Variants in COL24A1 observed in about 807,000 individuals in gnomAD.
COL24A1 encodes the protein collagen alpha-1(XXIV) chain.
Under a neutral mutation model 253.9 loss-of-function variants are expected in COL24A1, and 224 were observed. The ratio of observed to expected loss-of-function variants is 0.88; its 90% CI spans 0.79 to 0.99. The LOEUF is 0.99. Ranked by LOEUF, COL24A1 falls within the 50% of genes least tolerant of loss-of-function variation. COL24A1 has a pLI of 0.00. For synonymous variants in COL24A1, 685 were observed against 673.7 expected, an observed-to-expected ratio of 1.02 and a Z score of -0.26; for missense variants, 2,131 against 2,068.5, an observed-to-expected ratio of 1.03 and a Z score of -0.59.
chr1:85,923,575 G>A (rs768036682), intron 24 of COL24A1, among the ~76,000 whole-genome samples: 6 of 152,128 alleles, frequency 3.9e-5, no homozygotes, highest in Non-Finnish European at 8.8e-5. Context: ...TGACTACTGG[G>A]CAAACAACAA....
intron 24 of COL24A1, among the ~76,000 whole-genome samples, chr1:85,933,791 C>T (rs1398558860): frequency 6.6e-6 from 1 of 152,150 alleles, no homozygotes; most frequent in Non-Finnish European, 1.5e-5. Context: ...TACTATAGCT[C>T]TTTAAAATAG....
At chr1:86,085,206 T>C (rs1389978019) in intron 7 of COL24A1, among the ~76,000 whole-genome samples, 1 of 152,204 alleles carries the variant, frequency 6.6e-6, no homozygotes, top group Admixed American at 6.5e-5. Flanking sequence ...CACAGTGCAT[T>C]CCACTTGATG....
intron 3 of COL24A1, among the ~76,000 whole-genome samples, chr1:86,122,463 C>A (rs1375804400): frequency 6.6e-6 from 1 of 151,904 alleles, no homozygotes; most frequent in Non-Finnish European, 1.5e-5. Context: ...AGAAATACTC[C>A]CAAATCTATA....
chr1:86,111,258 G>A lies in COL24A1; in HGVS notation c.1599+1309C>T, dbSNP rs569946349. On this transcript the variant is annotated intron_variant, in intron 5 of 59. Coordinates refer to ENST00000370571, the MANE Select transcript of COL24A1 (RefSeq NM_152890.7). ...GCACTCTGTATCTAGCTAATCTGGC[G>A]GGGACTTGGAGAAGTTTTATGTCTA... is the stretch of plus-strand genomic sequence containing the variant. Among the ~76,000 whole-genome samples the A allele has an allele frequency of 4.0e-5, 6 of 151,876 alleles. No individual in the cohort carries two copies. In the East Asian group the frequency reaches 7.8e-4, roughly 20 times the overall value.
At chr1:85,859,839 C>T (rs551499589) in intron 37 of COL24A1, among the ~76,000 whole-genome samples, 19 of 152,242 alleles carry the variant, frequency 1.2e-4, no homozygotes, top group African/African-American at 4.3e-4. Context: ...AAGAAGAATG[C>T]TATTTTTTTG....
At chr1:86,022,407 G>A in intron 17 of COL24A1, 114 bp from the exon 18 acceptor site, 1 of 1,367,624 alleles carries the variant, frequency 7.3e-7, no homozygotes, top group African/African-American at 1.5e-5. Flanking sequence ...TGAGACAAAA[G>A]TTTCAAACAA....
At position 85,818,545 on chromosome 1, in the gene COL24A1, C is replaced by A. The variant is rs1673279127; in HGVS notation, c.3790-458G>T. ...TGGTAAGAAGAACATGAACTGATAG[C>A]CTAAAATGTGCTTTTCTGGAAGAAT... On this transcript the variant is annotated intron_variant, in intron 45 of 59. Coordinates refer to ENST00000370571, the MANE Select transcript of COL24A1 (RefSeq NM_152890.7). Among the ~76,000 whole-genome samples the A allele has an allele frequency of 2.0e-5, 3 of 152,108 alleles. No individual in the cohort carries two copies. The South Asian group carries it at 6.2e-4, about 32-fold the overall frequency.
intron 5 of COL24A1, among the ~76,000 whole-genome samples, chr1:86,103,636 A>G (rs1250995449): frequency 1.3e-5 from 2 of 152,150 alleles, no homozygotes; most frequent in African/African-American, 4.8e-5. Flanking sequence ...TCCTTTGCTT[A>G]CAAAGCTTAG....
intron 57 of COL24A1, among the ~76,000 whole-genome samples, chr1:85,740,848 G>A (rs144273982): frequency 1.4e-4 from 20 of 146,578 alleles, no homozygotes; most frequent in African/African-American, 4.7e-4. Context: ...GGTGGCTCAC[G>A]CCTGTAATCC....
In COL24A1 at chr1:85,778,385, G is replaced by C. The variant is rs111443912; in HGVS notation, c.4339-2676C>G. On this transcript the variant is annotated intron_variant, in intron 52 of 59. Coordinates refer to ENST00000370571, the MANE Select transcript of COL24A1 (RefSeq NM_152890.7). ...CCCAAAGTGCTGGTAATACAGCCGTGAACTACTGTTCCCAACTGAGCTCTT... is the reference window on the plus strand; with the variant it reads ...CCCAAAGTGCTGGTAATACAGCCGTCAACTACTGTTCCCAACTGAGCTCTT... Among the ~76,000 whole-genome samples, 166 of 152,104 alleles carry C rather than the reference G, an allele frequency of 1.1e-3. 1 individual carries two copies. The highest frequency in any genetic ancestry group is 3.8e-3 in the African/African-American group (156 of 41,524).
At chr1:85,841,502 G>T (rs1365000831) in intron 41 of COL24A1, among the ~76,000 whole-genome samples, 1 of 152,062 alleles carries the variant, frequency 6.6e-6, no homozygotes, top group Non-Finnish European at 1.5e-5. Flanking sequence ...TATATAAGAA[G>T]CAGCTCAGGA....
intron 24 of COL24A1, among the ~76,000 whole-genome samples, chr1:85,920,903 T>C (rs1374078716): frequency 6.6e-6 from 1 of 150,516 alleles, no homozygotes; most frequent in Admixed American, 6.6e-5. Flanking sequence ...GGGAATCTAA[T>C]GAAGATTCAT....
chr1:86,060,222 T>A (rs938803622), intron 8 of COL24A1, among the ~76,000 whole-genome samples: 5 of 152,102 alleles, frequency 3.3e-5, no homozygotes, highest in Non-Finnish European at 7.4e-5. Flanking sequence ...CATTGATACA[T>A]CATTCATTCC....
intron 24 of COL24A1, among the ~76,000 whole-genome samples, chr1:85,912,934 T>C (rs1179074454): frequency 6.6e-6 from 1 of 152,210 alleles, no homozygotes; most frequent in Non-Finnish European, 1.5e-5. Context: ...GTAAATGAAA[T>C]ATTACTAAAA....
chr1:86,080,539 C>T (rs1702558871), intron 7 of COL24A1, among the ~76,000 whole-genome samples: 1 of 152,006 alleles, frequency 6.6e-6, no homozygotes, highest in Non-Finnish European at 1.5e-5. Context: ...ATATGTCATG[C>T]ACCCCATGAA....
At chr1:85,872,051 A>G (rs1301879327) in intron 35 of COL24A1, among the ~76,000 whole-genome samples, 1 of 152,180 alleles carries the variant, frequency 6.6e-6, no homozygotes, top group Non-Finnish European at 1.5e-5. Context: ...TTATACACCA[A>G]TAACAGACAA....
At chr1:85,915,417 T>G (rs1208324105) in intron 24 of COL24A1, among the ~76,000 whole-genome samples, 2 of 152,188 alleles carry the variant, frequency 1.3e-5, no homozygotes, top group African/African-American at 4.8e-5. Flanking sequence ...GATCTCCTGT[T>G]TGTGGATGGA....
intron 47 of COL24A1, among the ~76,000 whole-genome samples, chr1:85,816,169 C>T (rs1255278106): frequency 1.3e-5 from 2 of 151,780 alleles, no homozygotes; most frequent in Non-Finnish European, 2.9e-5. Flanking sequence ...GGGATTAGTT[C>T]GAGCTAGCTG....
intron 39 of COL24A1, among the ~76,000 whole-genome samples, chr1:85,845,808 G>A (rs1326040270): frequency 6.6e-6 from 1 of 151,756 alleles, no homozygotes; most frequent in African/African-American, 2.4e-5. Flanking sequence ...AAAGAACAGA[G>A]ATAAGGGAAA....
Sources: gnomAD v4.1 joint callset for allele counts (sites outside exome capture counted in the v4.1 genomes callset) on GRCh38, gnomAD v4.1.1 for gene constraint, MANE v1.5 for transcripts, NCBI Gene and HGNC (gene_info 2026-07-23, HGNC 2026-07-21) for gene names.